STRN3: variants seen among roughly 807,000 people sequenced by gnomAD.
The protein encoded by STRN3 is striatin 3, also known as striatin-3.
Under a neutral mutation model 95.6 loss-of-function variants are expected in STRN3, and 29 were observed. The ratio of observed to expected loss-of-function variants is 0.30; its 90% CI spans 0.23 to 0.41. The LOEUF (loss-of-function observed/expected upper bound fraction) is 0.41, where lower values mean the gene tolerates loss of function less well. Ranked by LOEUF, STRN3 falls within the 10% of genes least tolerant of loss-of-function variation. STRN3 has a pLI of 1.00. For missense variants in STRN3, 890 were observed against 972.1 expected (o/e 0.92, Z 1.12); for synonymous variants, 331 against 357.6 (o/e 0.93, Z 0.84).
Position 30,981,965 on chromosome 14 carries a change from G to A in STRN3, c.283-25723C>T, listed in dbSNP as rs995809205. ...CAAAAATTAGCCCAGGCATGATGGC[G>A]TGTGCCTGTAATCCCAGCTACTTGG... On this transcript the variant is annotated intron_variant, in intron 1 of 17. Transcript: ENST00000357479. 7.2e-5 allele frequency among the ~76,000 whole-genome samples: 11 copies of A among 151,826 alleles called. No homozygotes were observed. In the East Asian group the frequency reaches 1.8e-3, roughly 24 times the overall value.
At chr14:30,941,407 A>C (rs1372484742) in intron 5 of STRN3, among the ~76,000 whole-genome samples, 1 of 152,194 alleles carries the variant, frequency 6.6e-6, no homozygotes, top group African/African-American at 2.4e-5. Context: ...TGGAAGTCAC[A>C]CAGTAGGAGA....
intron 1 of STRN3, among the ~76,000 whole-genome samples, chr14:30,978,259 A>G (rs564697609): frequency 1.1e-4 from 16 of 152,338 alleles, no homozygotes; most frequent in African/African-American, 3.8e-4. Flanking sequence ...ACTCCTTAAC[A>G]AAATATTAGC....
At chr14:30,929,954 C>CAAAAAAAAAAACAAAAAAAAAAAA (rs1393194244) in intron 7 of STRN3, among the ~76,000 whole-genome samples, 7 of 39,998 alleles carry the variant, frequency 1.8e-4, no homozygotes, top group African/African-American at 7.4e-4. Flanking sequence ...CTAAGATTAG[C>CAAAAAAAAAAACAAAAAAAAAAAA]AAAAAAAAAA....
At position 30,990,255 on chromosome 14, in the gene STRN3, C is replaced by T. The variant is rs34638403; in HGVS notation, c.283-34013G>A. Among the ~76,000 whole-genome samples the T allele has an allele frequency of 2.6e-3, 391 of 151,376 alleles. 10 individuals are homozygous for T. The East Asian group carries it at 0.054, about 21-fold the overall frequency. On this transcript the variant is annotated intron_variant, in intron 1 of 17. Transcript: ENST00000357479. ...TCGGCTCACTGCAAGCTCTGCCTCTCGGGTTCATGCCATTCTCCTGCCTCA... is the reference window on the plus strand; with the variant it reads ...TCGGCTCACTGCAAGCTCTGCCTCTTGGGTTCATGCCATTCTCCTGCCTCA...
intron 5 of STRN3, among the ~76,000 whole-genome samples, chr14:30,941,164 A>T (rs1479852274): frequency 2.6e-5 from 4 of 152,196 alleles, no homozygotes; most frequent in Non-Finnish European, 4.4e-5. Flanking sequence ...GCTGTGAGAA[A>T]TAAATTTCTA....
chr14:30,948,000 C>T (rs1566451848), intron 4 of STRN3, among the ~76,000 whole-genome samples: 1 of 151,596 alleles, frequency 6.6e-6, no homozygotes, highest in East Asian at 1.9e-4. Flanking sequence ...TAGGTGAATG[C>T]TAAAGAGAAA....
rs1427558541 is a variant in STRN3 at position 31,026,142 on chromosome 14, G to A, written c.44C>T (p.Ala15Val). 2 of 1,490,138 alleles carry A rather than the reference G, an allele frequency of 1.3e-6. No individual in the cohort carries two copies. The highest frequency in any genetic ancestry group is 8.9e-7 in the Non-Finnish European group (1 of 1,126,880). 92.3% of individuals were successfully genotyped at this position (1,490,138 alleles called of 1,614,324 possible). A position where few individuals can be genotyped will look rare whatever the true frequency, so the allele number is the denominator to read the frequency against. The change falls in exon 1 of 18, where the codon GCG becomes GTG. Residue 15 changes from alanine to valine, a missense_variant. Ala to Val is a moderately conservative substitution (Grantham distance 64). This residue lies in a region of STRN3 where 526 missense variants were observed against 526.3 expected (regional missense o/e 1.00). Transcript: ENST00000357479. ...TCCCTGCTGCTGCCGGGGAGGGGCC[G>A]CCATCCCCGGGCCGCCACCACCGCC... ...AGGGGGGPGM[A>V]APPRQQQGPG...
intron 7 of STRN3, among the ~76,000 whole-genome samples, chr14:30,929,967 A>ACAAAAAAAAAAAAAAAAAAAAC (rs1002618519): frequency 3.3e-5 from 3 of 91,120 alleles, no homozygotes; most frequent in African/African-American, 1.2e-4. Context: ...AAAAAAAAAA[A>ACAAAAAAAAAAAAAAAAAAAAC]AAAAAAAAAA....
At chr14:31,020,655 T>A (rs987771575) in intron 1 of STRN3, among the ~76,000 whole-genome samples, 1 of 152,144 alleles carries the variant, frequency 6.6e-6, no homozygotes, top group African/African-American at 2.4e-5. Context: ...GTAATCCCAA[T>A]ACTTGGACTT....
chr14:31,004,331 G>A lies in STRN3; in HGVS notation c.282+21573C>T, dbSNP rs1882617723. Among the ~76,000 whole-genome samples, 4 of 152,200 alleles carry A rather than the reference G, an allele frequency of 2.6e-5. No individual in the cohort carries two copies. The South Asian group carries it at 6.2e-4, about 24-fold the overall frequency. On this transcript the variant is annotated intron_variant, in intron 1 of 17. Coordinates refer to ENST00000357479, the MANE Select transcript of STRN3 (RefSeq NM_001083893.2). ...AAAAAAAAATTAGCGGAGTATGGTGGCACACACCTGTAGTCCCAGCTACTT... is the reference window on the plus strand; with the variant it reads ...AAAAAAAAATTAGCGGAGTATGGTGACACACACCTGTAGTCCCAGCTACTT...
intron 14 of STRN3, among the ~76,000 whole-genome samples, chr14:30,906,268 T>C (rs1021779717): frequency 6.6e-6 from 1 of 152,130 alleles, no homozygotes; most frequent in South Asian, 2.1e-4. Context: ...AAATTATATA[T>C]TTACTATTCA....
intron 12 of STRN3, among the ~76,000 whole-genome samples, chr14:30,911,505 G>A (rs565183462): frequency 6.6e-6 from 1 of 152,046 alleles, no homozygotes; most frequent in Admixed American, 6.6e-5. Context: ...GTTTCACCAT[G>A]TTGGCCAGGC....
At chr14:30,989,629 T>G (rs1007393562) in intron 1 of STRN3, among the ~76,000 whole-genome samples, 27 of 151,856 alleles carry the variant, frequency 1.8e-4, no homozygotes, top group African/African-American at 6.0e-4. Flanking sequence ...CCTGGCTAAT[T>G]TTTTTGTATT....
At chr14:30,991,910 A>T (rs1594551364) in intron 1 of STRN3, among the ~76,000 whole-genome samples, 1 of 147,198 alleles carries the variant, frequency 6.8e-6, no homozygotes, top group Non-Finnish European at 1.5e-5. Flanking sequence ...ACATAGCAAG[A>T]CCCCTTCTCT....
intron 1 of STRN3, among the ~76,000 whole-genome samples, chr14:30,977,754 A>T (rs1881177299): frequency 7.0e-6 from 1 of 142,006 alleles, no homozygotes; most frequent in Non-Finnish European, 1.5e-5. Flanking sequence ...GATTCACACC[A>T]TTGCTCTCCA....
chr14:31,022,994 T>C (rs1883572858), intron 1 of STRN3, among the ~76,000 whole-genome samples: 1 of 152,204 alleles, frequency 6.6e-6, no homozygotes, highest in Non-Finnish European at 1.5e-5. Context: ...TCCTGAATTT[T>C]CCATTTTCAG....
rs957694328 is a variant in STRN3 at position 30,895,701 on chromosome 14, G to C, written c.2185C>G (p.Leu729Val). 1 of 1,614,016 alleles carries C rather than the reference G, an allele frequency of 6.2e-7. No individual in the cohort carries two copies. Among genetic ancestry groups the C allele is most frequent in the South Asian group, 1.1e-5 (1 of 91,036 alleles). Residue 729 changes from leucine to valine, a missense_variant, in exon 17 of 18, where the codon CTA (leucine) becomes GTA (valine). Leu to Val is a conservative substitution (Grantham distance 32, BLOSUM62 1). Coordinates refer to ENST00000357479, the MANE Select transcript of STRN3 (RefSeq NM_001083893.2). Reference sequence around the variant, plus strand: ...TAGATTCCATTAGGATCTACTGCTAGACTTGTAACAGCATCCAAGTGAGCT... The same window carrying C: ...TAGATTCCATTAGGATCTACTGCTACACTTGTAACAGCATCCAAGTGAGCT... The part of the protein sequence containing the change: ...MVAHLDAVTS[L>V]AVDPNGIYLM...
At chr14:30,907,782 T>C (rs1029959104) in intron 13 of STRN3, among the ~76,000 whole-genome samples, 1 of 152,182 alleles carries the variant, frequency 6.6e-6, no homozygotes, top group Admixed American at 6.6e-5. Context: ...TGTATGGATA[T>C]ACCATATTTT....
chr14:30,897,500 G>A (rs1225967418), intron 16 of STRN3, among the ~76,000 whole-genome samples: 3 of 152,112 alleles, frequency 2.0e-5, no homozygotes, highest in Admixed American at 6.5e-5. Context: ...CAGGAGAATC[G>A]CTTGAACCCG....
Sources: allele counts gnomAD v4.1 joint callset (sites outside exome capture counted in the v4.1 genomes callset), GRCh38; gene constraint gnomAD v4.1.1; regional missense constraint gnomAD v4.1.1; transcripts MANE v1.5; gene names NCBI Gene and HGNC (gene_info 2026-07-23, HGNC 2026-07-21).